The following INTS4 variants were observed in gnomAD, a reference collection of about 807,000 sequenced individuals.
INTS4 encodes integrator complex subunit 4.
INTS4 carries 70 observed loss-of-function variants against 119.5 expected under a neutral mutation model. That is an observed-to-expected ratio of 0.59 (90% CI 0.48 to 0.71). The LOEUF (loss-of-function observed/expected upper bound fraction) is 0.71. INTS4 is among the 30% of genes least tolerant of loss of function. The probability of loss-of-function intolerance (pLI) is 0.00; values close to 1 mark genes in which losing one functional copy is unlikely to be tolerated. For missense variants in INTS4, 867 were observed against 1,173.2 expected, an observed-to-expected ratio of 0.74 and a Z score of 3.81; for synonymous variants, 316 against 419.6, an observed-to-expected ratio of 0.75 and a Z score of 3.02.
intron 16 of INTS4, among the ~76,000 whole-genome samples, chr11:77,905,351 G>A (rs1219650194): frequency 3.3e-5 from 5 of 151,962 alleles, no homozygotes; most frequent in Non-Finnish European, 7.4e-5. Context: ...CAGCTACTTG[G>A]GAGACTGAGA....
chr11:77,884,677 G>A, intron 21 of INTS4: 1 of 218,712 alleles, frequency 4.6e-6, no homozygotes, highest in South Asian at 5.7e-5. Flanking sequence ...ACTGCGGAAG[G>A]CATGTCTCAC....
At chr11:77,951,484 C>G (rs1482581125) in intron 8 of INTS4, among the ~76,000 whole-genome samples, 3 of 152,124 alleles carry the variant, frequency 2.0e-5, no homozygotes, top group Non-Finnish European at 2.9e-5. Flanking sequence ...AACTGGATCC[C>G]TTCCTTACAC....
chr11:77,950,973 T>C (rs561772493), intron 8 of INTS4, among the ~76,000 whole-genome samples: 150 of 150,126 alleles, frequency 1.0e-3, no homozygotes, highest in Non-Finnish European at 1.5e-3. Context: ...ACAGGCGGTG[T>C]TTGGATTTTT....
At chr11:77,969,860 C>T (rs975325710) in intron 4 of INTS4, among the ~76,000 whole-genome samples, 5 of 151,750 alleles carry the variant, frequency 3.3e-5, no homozygotes, top group South Asian at 2.1e-4. Flanking sequence ...TACTTTCTGT[C>T]TCTATAGACT....
chr11:77,974,245 T>C (rs372228414), intron 4 of INTS4, among the ~76,000 whole-genome samples: 30,877 of 140,736 alleles, frequency 0.22, 3,336 homozygotes, highest in African/African-American at 0.26. Flanking sequence ...TTTCTTTTTT[T>C]TTTTTTTTTT....
chr11:77,928,557 A>T lies in INTS4; in HGVS notation c.1166-10T>A. 1 of 1,554,882 alleles carries T rather than the reference A, an allele frequency of 6.4e-7. No homozygotes were observed. The highest frequency in any genetic ancestry group is 2.4e-5 in the East Asian group (1 of 41,378). On this transcript the variant is annotated splice_polypyrimidine_tract_variant and intron_variant, in intron 10 of 22. Transcript: ENST00000534064. ...GCAGCAATACGAACCTCTAGAAAAAAGAACAAATGAAATTGCACATCAGGC... is the reference window on the plus strand; with the variant it reads ...GCAGCAATACGAACCTCTAGAAAAATGAACAAATGAAATTGCACATCAGGC...
chr11:77,965,787 T>G (rs1305830385), intron 4 of INTS4, among the ~76,000 whole-genome samples: 2 of 152,372 alleles, frequency 1.3e-5, no homozygotes, highest in South Asian at 4.1e-4. Context: ...CAATCAACAT[T>G]GGAGTGCAAG....
rs1953919794 is a variant in INTS4, at chr11:77,941,125, G to C, written c.990+55C>G. The C allele has an allele frequency of 2.5e-6, 4 of 1,597,620 alleles. No homozygotes were observed. The Admixed American group carries it at 7.1e-5, about 29-fold the overall frequency. On this transcript the variant is annotated intron_variant, in intron 9 of 22. Transcript: ENST00000534064. Reference sequence around the variant, plus strand: ...TTAAATCAACACAACTCAGCATACTGCCCCACTACATTGGTTACAGAAACC... The same window carrying C: ...TTAAATCAACACAACTCAGCATACTCCCCCACTACATTGGTTACAGAAACC...
intron 10 of INTS4, among the ~76,000 whole-genome samples, chr11:77,935,879 G>A (rs1297570129): frequency 2.0e-5 from 1 of 50,422 alleles, no homozygotes; most frequent in South Asian, 4.0e-4. Flanking sequence ...CTGAGCAACA[G>A]AGCAAGATCC....
At chr11:77,973,418 AT>A (rs1276477298) in intron 4 of INTS4, among the ~76,000 whole-genome samples, 3 of 152,334 alleles carry the variant, frequency 2.0e-5, no homozygotes, top group African/African-American at 4.8e-5. Flanking sequence ...TATGCCTAAT[AT>A]CCCTGGCAAG....
At chr11:77,991,724 T>C (rs1856695991) in intron 1 of INTS4, among the ~76,000 whole-genome samples, 1 of 152,074 alleles carries the variant, frequency 6.6e-6, no homozygotes, top group African/African-American at 2.4e-5. Flanking sequence ...CTCTGAGGAT[T>C]GTGGTAGCCT....
At chr11:77,981,974 C>T (rs1367327339) in intron 2 of INTS4, among the ~76,000 whole-genome samples, 13 of 152,008 alleles carry the variant, frequency 8.6e-5, no homozygotes, top group Admixed American at 8.5e-4. Flanking sequence ...TTAAAAGCAC[C>T]TGACCTCCAC....
In INTS4 at chr11:77,960,941, A is replaced by T; in HGVS notation, c.657+12T>A. On this transcript the variant is annotated intron_variant, in intron 5 of 22. Transcript: ENST00000534064. ...AACACTAGCCCCAACTAGTTTCCAT[A>T]ATCACATTTACCATGGCTTTTATAG... 6.3e-7 allele frequency: 1 copy of T among 1,586,528 alleles called. No individual in the cohort carries two copies. Among genetic ancestry groups the T allele is most frequent in the Non-Finnish European group, 8.6e-7 (1 of 1,167,380 alleles).
At chr11:77,920,226 T>C (rs1953315593) in intron 14 of INTS4, among the ~76,000 whole-genome samples, 1 of 26,758 alleles carries the variant, frequency 3.7e-5, no homozygotes, top group South Asian at 6.3e-4. Context: ...TATACACATA[T>C]ACATACATAT....
chr11:77,946,265 C>G (rs1280125679), intron 8 of INTS4, among the ~76,000 whole-genome samples: 1 of 152,238 alleles, frequency 6.6e-6, no homozygotes, highest in Non-Finnish European at 1.5e-5. Flanking sequence ...ACACCACCCA[C>G]TGAGTCCACC....
At chr11:77,877,009 G>A (rs1002672464), downstream of INTS4, 12 of 703,026 alleles carry the variant, frequency 1.7e-5, no homozygotes, top group Non-Finnish European at 3.1e-5. Flanking sequence ...AATTCCACCT[G>A]GCTACAGCTT....
chr11:77,961,152 AAAAAAAAAG>A lies in INTS4; in HGVS notation c.472-23_472-15del. The A allele has an allele frequency of 3.9e-6, 6 of 1,545,064 alleles. No homozygotes were observed. The highest frequency in any genetic ancestry group is 2.8e-5 in the African/African-American group (2 of 71,326). On this transcript the variant is annotated splice_polypyrimidine_tract_variant and intron_variant, in intron 4 of 22. Coordinates refer to ENST00000534064, the MANE Select transcript of INTS4 (RefSeq NM_033547.4). ...ATCTGTCAGATGCTATTAAAAAAAA[AAAAAAAAAG>A]AAAAAAAGAAAAAGAAAAAAAGGAC...
At chr11:77,920,729 G>A (rs1339828206) in intron 14 of INTS4, among the ~76,000 whole-genome samples, 3 of 151,954 alleles carry the variant, frequency 2.0e-5, no homozygotes, top group Admixed American at 2.0e-4. Context: ...GCAGGCGCCT[G>A]TAGTCCCAGC....
At chr11:77,975,932 G>A (rs1369532212) in intron 4 of INTS4, among the ~76,000 whole-genome samples, 1 of 151,182 alleles carries the variant, frequency 6.6e-6, no homozygotes, top group Non-Finnish European at 1.5e-5. Context: ...CTCCAGCCTG[G>A]GTGACAGAGC....
Sources: allele counts gnomAD v4.1 joint callset (sites outside exome capture counted in the v4.1 genomes callset), GRCh38; gene constraint gnomAD v4.1.1; transcripts MANE v1.5; gene names NCBI Gene and HGNC (gene_info 2026-07-23, HGNC 2026-07-21).